The following DTNA variants were observed in gnomAD, a reference collection of about 807,000 sequenced individuals.
DTNA encodes dystrophin-related protein 3.
Under a neutral mutation model 100.7 loss-of-function variants are expected in DTNA, and 43 were observed. The observed-to-expected ratio is 0.43, with a 90% confidence interval of 0.33 to 0.55. The LOEUF is 0.55. DTNA is among the 20% of genes least tolerant of loss of function. DTNA has a pLI of 0.04. For missense variants in DTNA, 798 were observed against 953.9 expected (o/e 0.84, Z 2.15); for synonymous variants, 349 against 347.9 (o/e 1.00, Z -0.04).
chr18:34,621,006 A>G (rs535269394), intron 1 of DTNA, among the ~76,000 whole-genome samples: 1 of 152,144 alleles, frequency 6.6e-6, no homozygotes, highest in Non-Finnish European at 1.5e-5. Context: ...ATTTATTGCA[A>G]ATTTCAAGTG....
chr18:34,586,807 A>C (rs2049183031), intron 1 of DTNA, among the ~76,000 whole-genome samples: 1 of 152,232 alleles, frequency 6.6e-6, no homozygotes, highest in Non-Finnish European at 1.5e-5. Context: ...TAAGTAATCC[A>C]ATAGAGGTGG....
intron 1 of DTNA, among the ~76,000 whole-genome samples, chr18:34,564,460 A>G (rs950072667): frequency 6.6e-6 from 1 of 152,184 alleles, no homozygotes; most frequent in Non-Finnish European, 1.5e-5. Context: ...CTTTTGAAGG[A>G]TCTTTGAAGA....
chr18:34,881,842 G>T (rs539221849), intron 20 of DTNA, among the ~76,000 whole-genome samples: 3 of 143,982 alleles, frequency 2.1e-5, no homozygotes, highest in Non-Finnish European at 4.5e-5. Flanking sequence ...ACCAATGATC[G>T]CAACTGCCAT....
chr18:34,807,732 G>A (rs1038672437), intron 5 of DTNA, among the ~76,000 whole-genome samples: 3 of 152,036 alleles, frequency 2.0e-5, no homozygotes, highest in Non-Finnish European at 2.9e-5. Context: ...ACCTTAGGAG[G>A]AGCCATGTAG....
At chr18:34,542,908 C>T (rs2044386768) in intron 1 of DTNA, among the ~76,000 whole-genome samples, 1 of 151,998 alleles carries the variant, frequency 6.6e-6, no homozygotes, top group Admixed American at 6.6e-5. Context: ...TGTATGTCCT[C>T]ATTTTTTTTT....
intron 1 of DTNA, among the ~76,000 whole-genome samples, chr18:34,560,538 T>G (rs975084530): frequency 6.6e-6 from 1 of 152,206 alleles, no homozygotes; most frequent in African/African-American, 2.4e-5. Context: ...GAGTTTTGTT[T>G]CCAGTAAATA....
At chr18:34,754,097 C>T (rs1339685126) in intron 1 of DTNA, among the ~76,000 whole-genome samples, 1 of 152,172 alleles carries the variant, frequency 6.6e-6, no homozygotes, top group East Asian at 1.9e-4. Context: ...GCACACTCTT[C>T]CCTTGACTCC....
chr18:34,757,808 C>T (rs1338911233), intron 2 of DTNA, among the ~76,000 whole-genome samples: 1 of 152,210 alleles, frequency 6.6e-6, no homozygotes, highest in Non-Finnish European at 1.5e-5. Flanking sequence ...ACAGTGATGT[C>T]TTGCAGCTTT....
At chr18:34,778,437 A>T (rs2094162153) in intron 3 of DTNA, among the ~76,000 whole-genome samples, 1 of 152,154 alleles carries the variant, frequency 6.6e-6, no homozygotes, top group South Asian at 2.1e-4. Context: ...AATGCTTTTT[A>T]AAAAGGTTGT....
intron 1 of DTNA, among the ~76,000 whole-genome samples, chr18:34,531,147 A>G (rs2043102680): frequency 6.6e-6 from 1 of 152,164 alleles, no homozygotes; most frequent in South Asian, 2.1e-4. Context: ...CACATGAGAA[A>G]CATAGTTTTC....
intron 11 of DTNA, among the ~76,000 whole-genome samples, chr18:34,830,587 A>G (rs1227294622): frequency 6.6e-6 from 1 of 152,058 alleles, no homozygotes; most frequent in African/African-American, 2.4e-5. Flanking sequence ...CTAGCTCTGT[A>G]CTTGATTCAC....
At chr18:34,777,318 T>C (rs2094111168) in intron 3 of DTNA, among the ~76,000 whole-genome samples, 2 of 152,218 alleles carry the variant, frequency 1.3e-5, no homozygotes, top group Non-Finnish European at 1.5e-5. Flanking sequence ...GGAGGAGCTC[T>C]TGAACAAGAA....
intron 1 of DTNA, among the ~76,000 whole-genome samples, chr18:34,551,376 C>A (rs1358351779): frequency 6.6e-5 from 10 of 152,172 alleles, no homozygotes; most frequent in African/African-American, 2.2e-4. Context: ...TTCCCAAAAT[C>A]GCTTACCTAG....
At chr18:34,695,667 A>C (rs2145984045) in intron 1 of DTNA, among the ~76,000 whole-genome samples, 1 of 152,328 alleles carries the variant, frequency 6.6e-6, no homozygotes, top group South Asian at 2.1e-4. Flanking sequence ...CTTAAATCAT[A>C]AAAACAAGAA....
intron 1 of DTNA, among the ~76,000 whole-genome samples, chr18:34,551,383 C>T (rs2045395368): frequency 6.6e-6 from 1 of 152,170 alleles, no homozygotes; most frequent in Admixed American, 6.5e-5. Flanking sequence ...AATCGCTTAC[C>T]TAGGCTATTG....
intron 1 of DTNA, among the ~76,000 whole-genome samples, chr18:34,745,092 G>A (rs1386303614): frequency 6.6e-6 from 1 of 152,060 alleles, no homozygotes; most frequent in Non-Finnish European, 1.5e-5. Flanking sequence ...AGCTTTTTAA[G>A]ATGATAATTG....
At chr18:34,883,436 T>C (rs1204855302) in intron 21 of DTNA, among the ~76,000 whole-genome samples, 1 of 152,010 alleles carries the variant, frequency 6.6e-6, no homozygotes, top group African/African-American at 2.4e-5. Flanking sequence ...CTCAGCCTCC[T>C]GTAGCTGGGA....
chr18:34,747,079 C>T (rs1343416533), intron 1 of DTNA, among the ~76,000 whole-genome samples: 1 of 142,264 alleles, frequency 7.0e-6, no homozygotes, highest in African/African-American at 2.7e-5. Context: ...TCATTAGATA[C>T]CCATATCTAT....
At chr18:34,524,495 A>G (rs1005772293) in intron 1 of DTNA, among the ~76,000 whole-genome samples, 1 of 150,624 alleles carries the variant, frequency 6.6e-6, no homozygotes, top group African/African-American at 2.5e-5. Flanking sequence ...ACTTAAAGAA[A>G]CCCAGAAAAC....
Sources: allele counts gnomAD v4.1 joint callset (sites outside exome capture counted in the v4.1 genomes callset), GRCh38; gene constraint gnomAD v4.1.1; transcripts MANE v1.5; gene names NCBI Gene and HGNC (gene_info 2026-07-23, HGNC 2026-07-21).